The following ME1 variants were observed in gnomAD, a reference collection of about 807,000 sequenced individuals.
ME1 encodes the protein NADP-dependent malic enzyme.
ME1 carries 74 observed loss-of-function variants against 66.4 expected under a neutral mutation model. That is an observed-to-expected ratio of 1.11 (90% confidence interval 0.92 to 1.35). ME1 has a LOEUF of 1.35. ME1 is among the 40% of genes most tolerant of loss of function. The probability of loss-of-function intolerance (pLI) is 0.00; values close to 1 mark genes in which losing one functional copy is unlikely to be tolerated. For synonymous variants in ME1, 251 were observed against 235.6 expected (o/e 1.07, Z -0.60); for missense variants, 750 against 694.1 (o/e 1.08, Z -0.90).
intron 12 of ME1, among the ~76,000 whole-genome samples, chr6:83,223,013 T>C (rs1790121575): frequency 6.6e-6 from 1 of 152,222 alleles, no homozygotes. Flanking sequence ...GGTTTCTGTC[T>C]CCTGTACTGA....
intron 3 of ME1, among the ~76,000 whole-genome samples, chr6:83,356,985 G>C (rs1242710940): frequency 6.6e-6 from 1 of 152,074 alleles, no homozygotes; most frequent in African/African-American, 2.4e-5. Context: ...TAGTTGTCAG[G>C]TCTCTTTGGT....
At chr6:83,222,391 A>G (rs1790111188) in intron 12 of ME1, among the ~76,000 whole-genome samples, 1 of 152,230 alleles carries the variant, frequency 6.6e-6, no homozygotes. Flanking sequence ...AGATCACATC[A>G]GTAACATAAG....
Position 83,385,598 on chromosome 6 carries a change from C to T in ME1, c.362+12769G>A, listed in dbSNP as rs1583411418. ...TACAGTAAAAGATAAGTTTCACTGC[C>T]TTGAAGATTTATACGTCTACGCACA... On this transcript the variant is annotated intron_variant, in intron 3 of 13. Coordinates refer to ENST00000369705, the MANE Select transcript of ME1 (RefSeq NM_002395.6). 3.3e-5 allele frequency among the ~76,000 whole-genome samples: 5 copies of T among 151,968 alleles called. No individual in the cohort carries two copies. The Middle Eastern group carries it at 0.014, about 416-fold the overall frequency.
rs377385329 is a variant in ME1, at chr6:83,277,670, G to C, written c.705-23932C>G. Among the ~76,000 whole-genome samples the C allele has an allele frequency of 3.3e-5, 5 of 152,262 alleles. No individual in the cohort carries two copies. In the East Asian group the frequency reaches 9.6e-4, roughly 29 times the overall value. On this transcript the variant is annotated intron_variant, in intron 6 of 13. Coordinates refer to ENST00000369705, the MANE Select transcript of ME1 (RefSeq NM_002395.6). Reference sequence around the variant, plus strand: ...TAATCCCAGCACTTTGGGAGGCTGAGGCAGGCAGATCACTTGAGGTCAGGA... The same window carrying C: ...TAATCCCAGCACTTTGGGAGGCTGACGCAGGCAGATCACTTGAGGTCAGGA...
At chr6:83,263,048 GTGTCTC>G (rs1766926242) in intron 6 of ME1, among the ~76,000 whole-genome samples, 1 of 152,052 alleles carries the variant, frequency 6.6e-6, no homozygotes, top group South Asian at 2.1e-4. Context: ...TGCTCACTTT[GTGTCTC>G]TGTCACATTT....
chr6:83,331,010 C>G (rs919043333), intron 5 of ME1, among the ~76,000 whole-genome samples: 1 of 152,108 alleles, frequency 6.6e-6, no homozygotes, highest in African/African-American at 2.4e-5. Flanking sequence ...CAACCAGAGG[C>G]CAGACTAAAC....
At chr6:83,265,169 C>A (rs1227926434) in intron 6 of ME1, among the ~76,000 whole-genome samples, 1 of 152,212 alleles carries the variant, frequency 6.6e-6, no homozygotes, top group Non-Finnish European at 1.5e-5. Context: ...TCTGAAGGCT[C>A]AGATGATCAT....
intron 8 of ME1, among the ~76,000 whole-genome samples, chr6:83,238,732 T>C (rs1298722291): frequency 1.3e-5 from 2 of 151,070 alleles, no homozygotes; most frequent in Admixed American, 6.6e-5. Context: ...TAAACAATGA[T>C]CTACCAGTGT....
chr6:83,343,583 A>T (rs540798485), intron 5 of ME1, among the ~76,000 whole-genome samples: 132 of 152,360 alleles, frequency 8.7e-4, no homozygotes, highest in African/African-American at 3.1e-3. Context: ...TTATCAGCTT[A>T]AAAATTTTGA....
At chr6:83,268,613 T>G (rs2128530668) in intron 6 of ME1, among the ~76,000 whole-genome samples, 1 of 152,146 alleles carries the variant, frequency 6.6e-6, no homozygotes, top group African/African-American at 2.4e-5. Context: ...TCACCCAGGC[T>G]GGAGTGCAAT....
At chr6:83,217,741 A>C (rs1221475850) in intron 12 of ME1, among the ~76,000 whole-genome samples, 1 of 152,188 alleles carries the variant, frequency 6.6e-6, no homozygotes, top group East Asian at 1.9e-4. Context: ...CAGACAAAAA[A>C]CAGAGTCAGA....
intron 6 of ME1, among the ~76,000 whole-genome samples, chr6:83,268,531 G>A (rs1336893634): frequency 1.3e-5 from 2 of 151,850 alleles, no homozygotes; most frequent in African/African-American, 4.8e-5. Flanking sequence ...AGTCCAGCAC[G>A]GGCCCCAGAA....
Position 83,265,460 on chromosome 6 carries a change from C to T in ME1, c.705-11722G>A, listed in dbSNP as rs1766972411. On this transcript the variant is annotated intron_variant, in intron 6 of 13. Transcript: ENST00000369705. ...CACAGGAGTGTGCCACCATGCCTGG[C>T]TAATTTTTCTTTTAATGTTTTGTAG... 2.6e-5 allele frequency among the ~76,000 whole-genome samples: 4 copies of T among 152,060 alleles called. No individual in the cohort carries two copies. In the South Asian group the frequency reaches 6.2e-4, roughly 24 times the overall value.
chr6:83,265,008 G>A (rs1365177447), intron 6 of ME1, among the ~76,000 whole-genome samples: 1 of 152,150 alleles, frequency 6.6e-6, no homozygotes, highest in Non-Finnish European at 1.5e-5. Flanking sequence ...GATCTCTCAT[G>A]AAAGGAAGAG....
chr6:83,264,367 A>G (rs1051213681), intron 6 of ME1, among the ~76,000 whole-genome samples: 1 of 152,308 alleles, frequency 6.6e-6, no homozygotes, highest in Admixed American at 6.5e-5. Context: ...CATGCCTGCG[A>G]ACACAACATC....
At chr6:83,265,907 A>C (rs564888250) in intron 6 of ME1, among the ~76,000 whole-genome samples, 68 of 152,312 alleles carry the variant, frequency 4.5e-4, no homozygotes, top group African/African-American at 1.6e-3. Context: ...AGATTTGAAC[A>C]AGTATTTTGT....
At chr6:83,313,026 G>A (rs1359112070) in intron 6 of ME1, among the ~76,000 whole-genome samples, 1 of 152,068 alleles carries the variant, frequency 6.6e-6, no homozygotes, top group East Asian at 1.9e-4. Flanking sequence ...CAAAGTGCTG[G>A]GATTAAAGGT....
chr6:83,423,367 A>G (rs1157081757), intron 1 of ME1, among the ~76,000 whole-genome samples: 2 of 151,948 alleles, frequency 1.3e-5, no homozygotes. Flanking sequence ...CATTCTTTAA[A>G]TGGAAGAGAA....
intron 5 of ME1, among the ~76,000 whole-genome samples, chr6:83,315,945 C>T (rs1007277355): frequency 2.6e-5 from 4 of 151,646 alleles, no homozygotes; most frequent in Non-Finnish European, 4.4e-5. Flanking sequence ...AATTCCTAAA[C>T]GTTAAAAACA....
Sources: gnomAD v4.1 joint callset for allele counts (sites outside exome capture counted in the v4.1 genomes callset) on GRCh38, gnomAD v4.1.1 for gene constraint, MANE v1.5 for transcripts, NCBI Gene and HGNC (gene_info 2026-07-23, HGNC 2026-07-21) for gene names.